ATP10B: variants seen among roughly 807,000 people sequenced by gnomAD.
ATP10B encodes the protein phospholipid-transporting ATPase VB.
In ATP10B, 122 loss-of-function variants were observed where a neutral mutation model predicts 141.2. That is an observed-to-expected ratio of 0.86 (90% CI 0.75 to 1.00). ATP10B has a LOEUF of 1.00. Among genes scored for constraint, ATP10B ranks in the 50% least tolerant of loss-of-function variants. ATP10B has a pLI of 0.00. For synonymous variants in ATP10B, 685 were observed against 692.0 expected (o/e 0.99, Z 0.16); for missense variants, 1,876 against 1,825.3 (o/e 1.03, Z -0.51).
At chr5:160,623,935 A>T (rs1435391079) in intron 13 of ATP10B, among the ~76,000 whole-genome samples, 1 of 152,244 alleles carries the variant, frequency 6.6e-6, no homozygotes, top group African/African-American at 2.4e-5. Flanking sequence ...TGAGTTTTCC[A>T]TGAGGCTGTA....
At chr5:160,785,535 C>G in intron 2 of ATP10B, 24 bp downstream of exon 2, 1 of 557,318 alleles carries the variant, frequency 1.8e-6, no homozygotes, top group South Asian at 1.5e-5. Flanking sequence ...AATGACCCCA[C>G]TGCCCAAGAA....
At chr5:160,651,366 C>T (rs1475474582) in intron 7 of ATP10B, among the ~76,000 whole-genome samples, 1 of 151,986 alleles carries the variant, frequency 6.6e-6, no homozygotes, top group Non-Finnish European at 1.5e-5. Flanking sequence ...GGGGATGAAA[C>T]ACAACTTGAG....
chr5:160,709,090 T>G (rs1052029302), intron 3 of ATP10B, among the ~76,000 whole-genome samples: 1 of 152,116 alleles, frequency 6.6e-6, no homozygotes, highest in African/African-American at 2.4e-5. Flanking sequence ...CAACAAAAAC[T>G]TGTTTCTACT....
chr5:160,597,527 A>C (rs1450224273), intron 22 of ATP10B, among the ~76,000 whole-genome samples: 2 of 152,194 alleles, frequency 1.3e-5, no homozygotes, highest in Non-Finnish European at 2.9e-5. Context: ...ATGGCAACAA[A>C]AGCCAAAATT....
At chr5:160,924,055 A>G in the ATP10B span, among the ~76,000 whole-genome samples, 1 of 152,224 alleles carries the variant, frequency 6.6e-6, no homozygotes, top group Non-Finnish European at 1.5e-5. Flanking sequence ...TGTCTGAATA[A>G]GATTAGGCAA....
chr5:160,601,956 C>T (rs1212800773), intron 21 of ATP10B, among the ~76,000 whole-genome samples: 1 of 152,122 alleles, frequency 6.6e-6, no homozygotes, highest in African/African-American at 2.4e-5. Flanking sequence ...TACTTTTCAC[C>T]CTCACTCTCC....
At chr5:160,685,368 A>G (rs902183663) in intron 6 of ATP10B, 6 of 560,630 alleles carry the variant, frequency 1.1e-5, no homozygotes, top group African/African-American at 9.6e-5. Flanking sequence ...CATGACAAGG[A>G]AAGAGCCTGC....
chr5:160,754,040 C>T (rs1157254105), intron 2 of ATP10B, among the ~76,000 whole-genome samples: 2 of 152,152 alleles, frequency 1.3e-5, no homozygotes, highest in Non-Finnish European at 2.9e-5. Context: ...CTTGCCCAAG[C>T]TAAACTTCAT....
intron 1 of ATP10B, among the ~76,000 whole-genome samples, chr5:160,788,911 T>G (rs1027962502): frequency 3.3e-5 from 5 of 152,264 alleles, no homozygotes; most frequent in African/African-American, 1.2e-4. Context: ...GGTTTCTATA[T>G]TATGGCAGAC....
At chr5:160,794,076 AT>A (rs1771780848) in intron 1 of ATP10B, among the ~76,000 whole-genome samples, 1 of 152,162 alleles carries the variant, frequency 6.6e-6, no homozygotes, top group African/African-American at 2.4e-5. Context: ...TGTGACTGTA[AT>A]TTTTTTATGG....
the ATP10B span, among the ~76,000 whole-genome samples, chr5:160,881,463 A>G: frequency 3.3e-5 from 5 of 152,208 alleles, no homozygotes; most frequent in Admixed American, 3.3e-4. Flanking sequence ...GGGATTTAAA[A>G]CTTTTATCTA....
chr5:160,888,185 A>T, the ATP10B span, among the ~76,000 whole-genome samples: 1,106 of 152,348 alleles, frequency 7.3e-3, 16 homozygotes, highest in African/African-American at 0.023. Flanking sequence ...CCATGGGCAT[A>T]CACTACCATA....
the ATP10B span, among the ~76,000 whole-genome samples, chr5:160,925,966 G>A: frequency 1.3e-5 from 2 of 152,184 alleles, no homozygotes; most frequent in African/African-American, 2.4e-5. Flanking sequence ...GTCAACTGAT[G>A]TATCCATAAG....
intron 21 of ATP10B, 70 bp downstream of exon 21, chr5:160,602,507 T>G (rs2127626159): frequency 6.2e-7 from 1 of 1,604,612 alleles, no homozygotes; most frequent in East Asian, 2.2e-5. Flanking sequence ...TGCCCACTGC[T>G]AGGGAGAGAT....
chr5:160,685,167 T>C (rs1238890017), intron 6 of ATP10B: 5 of 662,292 alleles, frequency 7.5e-6, no homozygotes, highest in South Asian at 3.3e-5. Flanking sequence ...TAGAGACCAC[T>C]ACTCGCTTCT....
At chr5:160,800,017 G>A (rs1198849851) in intron 1 of ATP10B, among the ~76,000 whole-genome samples, 1 of 152,158 alleles carries the variant, frequency 6.6e-6, no homozygotes, top group Non-Finnish European at 1.5e-5. Flanking sequence ...GAAGGAAAAT[G>A]GGCACCATTG....
intron 16 of ATP10B, among the ~76,000 whole-genome samples, chr5:160,616,540 T>C (rs1400397646): frequency 6.6e-6 from 1 of 152,202 alleles, no homozygotes; most frequent in Non-Finnish European, 1.5e-5. Context: ...AAGCAGCCTG[T>C]AGAGCACTCC....
At chr5:160,906,890 T>G in the ATP10B span, among the ~76,000 whole-genome samples, 1 of 152,222 alleles carries the variant, frequency 6.6e-6, no homozygotes, top group East Asian at 1.9e-4. Flanking sequence ...ATGTATCAAC[T>G]GGCTGCTTCC....
At chr5:160,925,677 A>G in the ATP10B span, among the ~76,000 whole-genome samples, 1 of 152,262 alleles carries the variant, frequency 6.6e-6, no homozygotes, top group African/African-American at 2.4e-5. Flanking sequence ...AGAATTTAAA[A>G]CAGTTTGGTT....
Sources: allele counts gnomAD v4.1 joint callset (sites outside exome capture counted in the v4.1 genomes callset), GRCh38; gene constraint gnomAD v4.1.1; transcripts MANE v1.5; gene names NCBI Gene and HGNC (gene_info 2026-07-23, HGNC 2026-07-21).